The following TSPAN7 variants were observed in gnomAD, a reference collection of about 807,000 sequenced individuals.
The protein encoded by TSPAN7 is tetraspanin-7.
A neutral mutation model predicts 17.6 loss-of-function variants in TSPAN7; 1 was observed. That is an observed-to-expected ratio of 0.06 (90% CI 0.02 to 0.27). TSPAN7 has a LOEUF of 0.27. Among genes scored for constraint, TSPAN7 ranks in the 10% least tolerant of loss-of-function variants. The probability of loss-of-function intolerance (pLI) is 1.00; values close to 1 mark genes in which losing one functional copy is unlikely to be tolerated. For missense variants in TSPAN7, 112 were observed against 201.7 expected, an observed-to-expected ratio of 0.56 and a Z score of 2.69; for synonymous variants, 78 against 79.0, an observed-to-expected ratio of 0.99 and a Z score of 0.07.
intron 5 of TSPAN7, among the ~76,000 whole-genome samples, chrX:38,678,700 A>T (rs1276253600): frequency 8.9e-6 from 1 of 112,331 alleles, no homozygotes; most frequent in Non-Finnish European, 1.9e-5. Context: ...CTTATTGTTT[A>T]AAAACAAAAA....
intron 1 of TSPAN7, among the ~76,000 whole-genome samples, chrX:38,582,415 A>G (rs1470521620): frequency 8.9e-6 from 1 of 112,289 alleles, no homozygotes; most frequent in Non-Finnish European, 1.9e-5. Context: ...AAACTGAGAT[A>G]CCATTCTCCT....
At chrX:38,648,333 T>G (rs1047726091) in intron 1 of TSPAN7, among the ~76,000 whole-genome samples, 2 of 112,220 alleles carry the variant, frequency 1.8e-5, no homozygotes, top group African/African-American at 6.5e-5. Context: ...CACAATACAC[T>G]CCAATCAAAA....
chrX:38,670,179 G>A (rs147217820), intron 2 of TSPAN7, among the ~76,000 whole-genome samples: 51 of 111,722 alleles, frequency 4.6e-4, no homozygotes, highest in African/African-American at 1.7e-3. Context: ...ATACTTTACA[G>A]GTAAGTAATG....
chrX:38,671,338 G>C, intron 2 of TSPAN7, 38 bp from the exon 3 acceptor site: 1 of 1,185,782 alleles, frequency 8.4e-7, no homozygotes, highest in Non-Finnish European at 1.1e-6. Context: ...TCTTAATCCT[G>C]ATGTATCTGA....
At chrX:38,657,043 G>C (rs1332555912) in intron 1 of TSPAN7, among the ~76,000 whole-genome samples, 2 of 111,357 alleles carry the variant, frequency 1.8e-5, no homozygotes, top group East Asian at 5.6e-4. Flanking sequence ...AGTTTTTAAG[G>C]GAGAAGAAAC....
chrX:38,682,744 C>A (rs1210327977), intron 6 of TSPAN7, among the ~76,000 whole-genome samples: 1 of 112,181 alleles, frequency 8.9e-6, no homozygotes, highest in Non-Finnish European at 1.9e-5. Flanking sequence ...TGCAAATTAA[C>A]TCAGTCTCCA....
intron 1 of TSPAN7, among the ~76,000 whole-genome samples, chrX:38,582,821 C>G (rs2069234559): frequency 8.9e-6 from 1 of 111,741 alleles, no homozygotes; most frequent in Admixed American, 9.4e-5. Context: ...CAAATCTTTT[C>G]TTGTGTCTAT....
chrX:38,648,994 T>C (rs1602112689), intron 1 of TSPAN7, among the ~76,000 whole-genome samples: 2 of 111,207 alleles, frequency 1.8e-5, no homozygotes, highest in Non-Finnish European at 3.8e-5. Flanking sequence ...CCTGGTGTAA[T>C]CCCAAATGTG....
chrX:38,636,706 C>T (rs1450574947), intron 1 of TSPAN7, among the ~76,000 whole-genome samples: 1 of 109,938 alleles, frequency 9.1e-6, no homozygotes, highest in Non-Finnish European at 1.9e-5. Flanking sequence ...GACAGAGTCT[C>T]ACTCTGTCAC....
At chrX:38,568,939 T>A (rs2069156203) in intron 1 of TSPAN7, among the ~76,000 whole-genome samples, 1 of 111,614 alleles carries the variant, frequency 9.0e-6, no homozygotes, top group Non-Finnish European at 1.9e-5. Context: ...AATGTTCTTT[T>A]TTTCTAGCAT....
At chrX:38,655,741 C>T (rs1240072544) in intron 1 of TSPAN7, among the ~76,000 whole-genome samples, 1 of 111,651 alleles carries the variant, frequency 9.0e-6, no homozygotes, top group Non-Finnish European at 1.9e-5. Flanking sequence ...CCACATAAAG[C>T]GTGGGAATTC....
chrX:38,669,326 A>G (rs1397214740), intron 2 of TSPAN7, among the ~76,000 whole-genome samples: 1 of 111,880 alleles, frequency 8.9e-6, no homozygotes, highest in Non-Finnish European at 1.9e-5. Flanking sequence ...TCTCCTCACT[A>G]CCACCATGCA....
intron 1 of TSPAN7, among the ~76,000 whole-genome samples, chrX:38,626,704 G>A (rs2069524689): frequency 8.9e-6 from 1 of 111,851 alleles, no homozygotes; most frequent in Non-Finnish European, 1.9e-5. Flanking sequence ...ACTTTGGGTA[G>A]GTGTGTAGGG....
intron 1 of TSPAN7, among the ~76,000 whole-genome samples, chrX:38,631,592 C>T (rs144559397): frequency 0.035 from 3,925 of 111,058 alleles, 175 homozygotes; most frequent in African/African-American, 0.12. Flanking sequence ...TAAACAGAAA[C>T]AGACAGCTAT....
intron 1 of TSPAN7, among the ~76,000 whole-genome samples, chrX:38,580,055 T>C (rs994496857): frequency 3.5e-5 from 4 of 112,699 alleles, no homozygotes; most frequent in African/African-American, 1.3e-4. Flanking sequence ...TATGTTTCCA[T>C]GTCGACAGAC....
chrX:38,679,983 G>A (rs1162238185), intron 5 of TSPAN7, among the ~76,000 whole-genome samples: 1 of 111,525 alleles, frequency 9.0e-6, no homozygotes, highest in African/African-American at 3.3e-5. Context: ...GGAGGGTAGA[G>A]GGTGGGAGGA....
At chrX:38,654,860 G>A (rs1303826616) in intron 1 of TSPAN7, among the ~76,000 whole-genome samples, 1 of 112,272 alleles carries the variant, frequency 8.9e-6, no homozygotes, top group Non-Finnish European at 1.9e-5. Flanking sequence ...GCCCCGTGGG[G>A]GAGTGGAATT....
intron 1 of TSPAN7, among the ~76,000 whole-genome samples, chrX:38,580,426 G>C (rs2069221604): frequency 1.8e-5 from 2 of 112,168 alleles, no homozygotes; most frequent in Admixed American, 1.9e-4. Flanking sequence ...GTTTTATTTA[G>C]TGGTTTTGGA....
At chrX:38,661,417 A>G (rs1323359548) in intron 1 of TSPAN7, among the ~76,000 whole-genome samples, 2 of 112,576 alleles carry the variant, frequency 1.8e-5, no homozygotes, top group Non-Finnish European at 3.8e-5. Context: ...AGCCTAAATT[A>G]ATAGTAGCTA....
Sources: gnomAD v4.1 joint callset for allele counts (sites outside exome capture counted in the v4.1 genomes callset) on GRCh38, gnomAD v4.1.1 for gene constraint, MANE v1.5 for transcripts, NCBI Gene and HGNC (gene_info 2026-07-23, HGNC 2026-07-21) for gene names.